The following RASAL1 variants were observed in gnomAD, a reference collection of about 807,000 sequenced individuals.
RASAL1 encodes the protein rasGAP-activating-like protein 1.
A neutral mutation model predicts 96.6 loss-of-function variants in RASAL1; 72 were observed. The observed-to-expected ratio is 0.75, with a 90% CI of 0.62 to 0.91. The LOEUF (loss-of-function observed/expected upper bound fraction) is 0.91. RASAL1 is among the 40% of genes least tolerant of loss of function. The pLI, the probability that RASAL1 is intolerant of heterozygous loss-of-function variation, is 0.00. For synonymous variants in RASAL1, 405 were observed against 430.4 expected (o/e 0.94, Z 0.73); for missense variants, 1,016 against 1,072.5 (o/e 0.95, Z 0.74).
intron 7 of RASAL1, 150 bp downstream of exon 7, chr12:113,118,978 A>C (rs1951185693): frequency 2.0e-6 from 2 of 993,800 alleles, no homozygotes; most frequent in Non-Finnish European, 1.5e-6. Context: ...AGAGCAATGA[A>C]ACTGCAACAC....
chr12:113,115,208 AC>A lies in RASAL1; in HGVS notation c.1059del (p.Gln353HisfsTer3). On this transcript the variant is annotated frameshift_variant, in exon 11 of 21. Coordinates refer to ENST00000548055, the MANE Select transcript of RASAL1 (RefSeq NM_001301202.2). LOFTEE classifies it high-confidence loss of function. This position sits in a 1 kb window ranked among gnomAD's most constrained non-coding sequence, Gnocchi z 4.1. ...GGCCTTCACCTACTCACCTTCATAA[AC>A]TGTTCCATCGACTTGGATGCCAGGG... is the stretch of plus-strand genomic sequence containing the variant. ...SNSLASKSME[Q>X]FMKLVGMPYL... 6.2e-7 allele frequency: 1 copy of A among 1,613,416 alleles called. No individual in the cohort carries two copies.
In RASAL1 at chr12:113,114,868, A is replaced by G; in HGVS notation, c.1113T>C (p.Ile371=). 2 of 1,614,204 alleles carry G rather than the reference A, an allele frequency of 1.2e-6. No homozygotes were observed. The highest frequency in any genetic ancestry group is 1.7e-6 in the Non-Finnish European group (2 of 1,180,024). ...PYLHEVLKPV[I]SRVFEEKKYM... ...ACTTCTTCTCCTCAAAGACACGGCT[A>G]ATCACAGGCTTCAGGACCTCGTGCA... Residue 371 remains isoleucine, a synonymous_variant, in exon 12 of 21, where the codon ATT becomes ATC. Coordinates refer to ENST00000548055, the MANE Select transcript of RASAL1 (RefSeq NM_001301202.2).
chr12:113,135,437 A>ACATT lies in RASAL1; in HGVS notation c.22_25dup (p.Val9GlufsTer68), dbSNP rs1951878720. On this transcript the variant is annotated frameshift_variant, in exon 1 of 21. Coordinates refer to ENST00000548055, the MANE Select transcript of RASAL1 (RefSeq NM_001301202.2). LOFTEE classifies it high-confidence loss of function. This position sits in a 1 kb window ranked among gnomAD's most constrained non-coding sequence, Gnocchi z 5.7. ...CAGCGCGCGGCCCTCCACCACGCGAACATTCAGGGAGCTGCTCTTGGCCAT... is the reference window on the plus strand; with the variant it reads ...CAGCGCGCGGCCCTCCACCACGCGAACATTCATTCAGGGAGCTGCTCTTGGCCAT... 1 of 1,609,932 alleles carries ACATT rather than the reference A, an allele frequency of 6.2e-7. No individual in the cohort carries two copies. Among genetic ancestry groups the ACATT allele is most frequent in the South Asian group, 1.1e-5 (1 of 90,466 alleles).
intron 7 of RASAL1, among the ~76,000 whole-genome samples, chr12:113,117,767 C>T (rs1475283821): frequency 4.6e-5 from 7 of 152,160 alleles, no homozygotes; most frequent in African/African-American, 1.2e-4. Context: ...TTTTCTGTGT[C>T]GGTAGATTTG....
chr12:113,103,580 T>C (rs1004980877), intron 18 of RASAL1, among the ~76,000 whole-genome samples: 5 of 151,242 alleles, frequency 3.3e-5, no homozygotes, highest in Non-Finnish European at 7.4e-5. Flanking sequence ...CACTCCAGCC[T>C]GGGCAATAGA....
At chr12:113,108,051 A>C in intron 14 of RASAL1, 34 bp downstream of exon 14, 1 of 1,580,250 alleles carries the variant, frequency 6.3e-7, no homozygotes, top group South Asian at 1.1e-5. Flanking sequence ...CCCTGGCTAA[A>C]GTACCTAGGA....
intron 7 of RASAL1, among the ~76,000 whole-genome samples, chr12:113,117,789 C>T (rs560645053): frequency 6.6e-6 from 1 of 152,324 alleles, no homozygotes; most frequent in Admixed American, 6.5e-5. Flanking sequence ...CTATTCTAGA[C>T]ATTTCGTATA....
At chr12:113,112,372 C>T in intron 12 of RASAL1, 94 bp from the exon 13 acceptor site, 1 of 1,013,404 alleles carries the variant, frequency 9.9e-7, no homozygotes, top group Non-Finnish European at 1.3e-6. Context: ...GAGGACTCAT[C>T]TTCCCTCCAC....
Position 113,101,853 on chromosome 12 carries a change from C to A in RASAL1, c.2225+36G>T. 4 of 1,604,734 alleles carry A rather than the reference C, an allele frequency of 2.5e-6. No individual in the cohort carries two copies. The South Asian group carries it at 4.5e-5, about 18-fold the overall frequency. On this transcript the variant is annotated intron_variant, in intron 19 of 20. Coordinates refer to ENST00000548055, the MANE Select transcript of RASAL1 (RefSeq NM_001301202.2). ...ACGGTGGGGGGCTGGCCTGGCTGGTCATAGGAGGTGAAGTGGGATGGGTGG... is the reference window on the plus strand; with the variant it reads ...ACGGTGGGGGGCTGGCCTGGCTGGTAATAGGAGGTGAAGTGGGATGGGTGG...
Position 113,127,938 on chromosome 12 carries a change from G to A in RASAL1, c.237-65C>T, listed in dbSNP as rs575196915. The stretch of plus-strand genomic sequence containing the variant: ...CCCTTTGCCCCGCCCCAAGAGAAGT[G>A]GGGGCAGGTGTCAAGGTCTGGGTGG... On this transcript the variant is annotated intron_variant, in intron 3 of 20. Transcript: ENST00000548055. The A allele has an allele frequency of 1.3e-5, 20 of 1,576,108 alleles. No individual in the cohort carries two copies. The African/African-American group carries it at 1.6e-4, about 13-fold the overall frequency.
At chr12:113,113,920 A>G (rs1284874) in intron 12 of RASAL1, among the ~76,000 whole-genome samples, 148,467 of 152,278 alleles carry the variant, frequency 0.97, 72,422 homozygotes, top group East Asian at 1. Context: ...CAACACCACA[A>G]TAATAAAAAT....
At chr12:113,110,800 C>T (rs1950840037) in intron 13 of RASAL1, among the ~76,000 whole-genome samples, 1 of 152,116 alleles carries the variant, frequency 6.6e-6, no homozygotes, top group Non-Finnish European at 1.5e-5. Context: ...CCCTCTAGTC[C>T]CAGCAACTCG....
Position 113,127,833 on chromosome 12 carries a change from C to T in RASAL1, c.277G>A (p.Ala93Thr), listed in dbSNP as rs376142926. The T allele has an allele frequency of 1.2e-6, 2 of 1,612,904 alleles. No individual in the cohort carries two copies. Among genetic ancestry groups the T allele is most frequent in the Non-Finnish European group, 1.7e-6 (2 of 1,179,102 alleles). ...CCACCTCGGGGGTCGGCTGTAATCG[C>T]CTCCCTGCTCAGCGAGATCTTGCCG... ...IIGKISLSRE[A>T]ITADPRGIDS... Residue 93 changes from alanine (A) to threonine (T), a missense_variant, in exon 4 of 21, where the codon GCG becomes ACG. Transcript: ENST00000548055.
At chr12:113,116,275 CAGG>C (rs1951079572) in intron 8 of RASAL1, among the ~76,000 whole-genome samples, 1 of 151,918 alleles carries the variant, frequency 6.6e-6, no homozygotes, top group Non-Finnish European at 1.5e-5. Flanking sequence ...GAGGCTGAGG[CAGG>C]AGAATTGCTT....
At chr12:113,125,438 GTATAA>G (rs1167922281) in intron 4 of RASAL1, among the ~76,000 whole-genome samples, 3 of 152,296 alleles carry the variant, frequency 2.0e-5, no homozygotes, top group South Asian at 2.1e-4. Flanking sequence ...GGAAATTCAT[GTATAA>G]TATGAGTAGA....
Position 113,119,523 on chromosome 12 carries a change from C to T in RASAL1, c.429-80G>A. The T allele has an allele frequency of 3.0e-6, 4 of 1,330,450 alleles. No homozygotes were observed. In the South Asian group the frequency reaches 5.0e-5, roughly 17 times the overall value. 82.4% of individuals were successfully genotyped at this position (1,330,450 alleles called of 1,614,324 possible). On this transcript the variant is annotated intron_variant, in intron 5 of 20. Coordinates refer to ENST00000548055, the MANE Select transcript of RASAL1 (RefSeq NM_001301202.2). ...GAAAGGCTGTTAAGAGTAGATCATT[C>T]CAATGTCGCTGGTTTCCAAGGCAAC...
At position 113,135,162 on chromosome 12, in the gene RASAL1, C is replaced by T. The variant is rs1345941327; in HGVS notation, c.65+236G>A. On this transcript the variant is annotated intron_variant, in intron 1 of 20. Transcript: ENST00000548055. The surrounding 1 kb of genome is among the most constrained non-coding windows in gnomAD (Gnocchi z 5.7). Reference sequence around the variant, plus strand: ...GTACATCCCGGGAACAAAGACACCCCCTCCCCTGCCCGGGGGTGAGGCGGG... The same window carrying T: ...GTACATCCCGGGAACAAAGACACCCTCTCCCCTGCCCGGGGGTGAGGCGGG... Among the ~76,000 whole-genome samples, 2 of 152,170 alleles carry T rather than the reference C, an allele frequency of 1.3e-5. No homozygotes were observed. The highest frequency in any genetic ancestry group is 4.8e-5 in the African/African-American group (2 of 41,446).
At chr12:113,100,750 C>A (rs1050471853) in intron 19 of RASAL1, 70 bp from the exon 20 acceptor site, 6 of 1,395,166 alleles carry the variant, frequency 4.3e-6, no homozygotes, top group Non-Finnish European at 6.1e-6. Flanking sequence ...CCCAGAAATT[C>A]TCTGAGAAAT....
chr12:113,121,281 C>G (rs147442333), intron 5 of RASAL1, among the ~76,000 whole-genome samples: 2 of 152,202 alleles, frequency 1.3e-5, no homozygotes, highest in African/African-American at 4.8e-5. Context: ...ACCTGTCATC[C>G]TGAGTGTCTG....
Sources: allele counts gnomAD v4.1 joint callset (sites outside exome capture counted in the v4.1 genomes callset), GRCh38; gene constraint gnomAD v4.1.1; non-coding constraint Gnocchi (gnomAD v3.1); transcripts MANE v1.5; gene names NCBI Gene and HGNC (gene_info 2026-07-23, HGNC 2026-07-21).